Variants in UGT1A4 observed in about 807,000 individuals in gnomAD.
The protein encoded by UGT1A4 is UDP glucuronosyltransferase family 1 member A4.
UGT1A4 carries 32 observed loss-of-function variants against 41.1 expected under a neutral mutation model. The ratio of observed to expected loss-of-function variants is 0.78; its 90% CI spans 0.59 to 1.05. The LOEUF (loss-of-function observed/expected upper bound fraction) is 1.05. Among genes scored for constraint, UGT1A4 ranks in the 50% least tolerant of loss-of-function variants. The pLI is 0.00. For synonymous variants in UGT1A4, 283 were observed against 265.1 expected, an observed-to-expected ratio of 1.07 and a Z score of -0.66; for missense variants, 748 against 677.4, an observed-to-expected ratio of 1.10 and a Z score of -1.16.
intron 1 of UGT1A4, chr2:233,743,777 T>C (rs1692497212): frequency 7.3e-7 from 1 of 1,367,292 alleles, no homozygotes; most frequent in Admixed American, 1.9e-5. Flanking sequence ...GGCCACCTGC[T>C]TGAATCTCCT....
chr2:233,738,082 A>G (rs1218405907), intron 1 of UGT1A4, among the ~76,000 whole-genome samples: 11 of 152,110 alleles, frequency 7.2e-5, no homozygotes, highest in African/African-American at 2.4e-4. Flanking sequence ...TCCTAATCTC[A>G]TCATAGTGAG....
In UGT1A4 at chr2:233,718,817, T is replaced by C; in HGVS notation, c.-4T>C. ...ACAGTCAGCTGTCGGTGGCTTCTGCTGAGATGGCCAGAGGACTCCAGGTTC... is the reference window on the plus strand; with the variant it reads ...ACAGTCAGCTGTCGGTGGCTTCTGCCGAGATGGCCAGAGGACTCCAGGTTC... On this transcript the variant is annotated 5_prime_UTR_variant, in exon 1 of 5. Coordinates refer to ENST00000373409, the MANE Select transcript of UGT1A4 (RefSeq NM_007120.3). The C allele has an allele frequency of 6.2e-7, 1 of 1,613,436 alleles. No homozygotes were observed. Among genetic ancestry groups the C allele is most frequent in the African/African-American group, 1.3e-5 (1 of 75,036 alleles).
intron 1 of UGT1A4, among the ~76,000 whole-genome samples, chr2:233,725,323 G>A (rs1370271039): frequency 1.0e-5 from 1 of 97,652 alleles, no homozygotes; most frequent in East Asian, 3.5e-4. Flanking sequence ...GAGGCGCCTG[G>A]TCAACAATCT....
chr2:233,746,804 G>A (rs960699713), intron 1 of UGT1A4, among the ~76,000 whole-genome samples: 7 of 151,820 alleles, frequency 4.6e-5, no homozygotes, highest in African/African-American at 1.7e-4. Flanking sequence ...GAGCGTGAAT[G>A]TGGATTGCCT....
chr2:233,755,027 C>A (rs759197919), intron 1 of UGT1A4: 14 of 1,309,218 alleles, frequency 1.1e-5, no homozygotes, highest in Non-Finnish European at 1.4e-5. Flanking sequence ...CCTTGAAGGG[C>A]CTGCCGCCTG....
intron 1 of UGT1A4, chr2:233,747,106 CATG>C: frequency 1.5e-6 from 2 of 1,377,620 alleles, no homozygotes; most frequent in Non-Finnish European, 2.0e-6. Context: ...CTTCCAATTA[CATG>C]ATGATTTGCT....
intron 1 of UGT1A4, among the ~76,000 whole-genome samples, chr2:233,727,780 G>A (rs1337158830): frequency 6.6e-6 from 1 of 152,168 alleles, no homozygotes. Flanking sequence ...CCCAGTAGAC[G>A]CTTCCATTCA....
At chr2:233,771,437 T>G (rs981684428) in intron 4 of UGT1A4, 1 of 152,226 alleles carries the variant, frequency 6.6e-6, no homozygotes, top group African/African-American at 2.4e-5. Context: ...CATTTTGCAC[T>G]AAGTGGCTGC....
intron 1 of UGT1A4, among the ~76,000 whole-genome samples, chr2:233,749,644 T>C (rs1173811229): frequency 2.6e-5 from 4 of 151,860 alleles, no homozygotes; most frequent in Non-Finnish European, 5.9e-5. Flanking sequence ...CCAAATCTCA[T>C]CTTGAATTGT....
chr2:233,771,841 C>T (rs1700397789), intron 4 of UGT1A4, among the ~76,000 whole-genome samples: 1 of 147,174 alleles, frequency 6.8e-6, no homozygotes, highest in South Asian at 2.4e-4. Flanking sequence ...CCTTCTCTTC[C>T]TTCTTTTTCA....
At chr2:233,768,582 CTTTT>C (rs139595073) in intron 4 of UGT1A4, 143 bp downstream of exon 4, 9,680 of 1,016,394 alleles carry the variant, frequency 9.5e-3, no homozygotes, top group East Asian at 0.022. Flanking sequence ...TTTATTTCTT[CTTTT>C]TTTTTTTTTT....
At chr2:233,770,376 A>T (rs1000336049) in intron 4 of UGT1A4, 3 of 152,228 alleles carry the variant, frequency 2.0e-5, no homozygotes, top group African/African-American at 4.8e-5. Flanking sequence ...AGTTCTGGCC[A>T]GGTACGGTGG....
rs1409384005 is a variant in UGT1A4 at position 233,735,868 on chromosome 2, C to T, written c.867+16181C>T. ...TCTCTTCTGTCTTGTAGGGTTTCTG[C>T]AGAGAGATCTGCTGTTAGTCTGATG... On this transcript the variant is annotated intron_variant, in intron 1 of 4. Transcript: ENST00000373409. Among the ~76,000 whole-genome samples, 5 of 152,262 alleles carry T rather than the reference C, an allele frequency of 3.3e-5. No homozygotes were observed. The East Asian group carries it at 7.7e-4, about 23-fold the overall frequency.
At position 233,743,680 on chromosome 2, in the gene UGT1A4, G is replaced by C. The variant is rs555741522; in HGVS notation, c.868-23354G>C. 7 of 1,367,102 alleles carry C rather than the reference G, an allele frequency of 5.1e-6. No homozygotes were observed. The South Asian group carries it at 6.8e-5, about 13-fold the overall frequency. 84.7% of individuals were successfully genotyped at this position (1,367,102 alleles called of 1,614,324 possible). On this transcript the variant is annotated intron_variant, in intron 1 of 4. Coordinates refer to ENST00000373409, the MANE Select transcript of UGT1A4 (RefSeq NM_007120.3). The stretch of plus-strand genomic sequence containing the variant: ...CGAAGGGGTCCTCGAAGGGCCTGCC[G>C]CCTGTGCAGCCGCCCTCCGCCCCCG...
At chr2:233,760,305 G>A (rs745957787) in intron 1 of UGT1A4, 6 of 1,613,702 alleles carry the variant, frequency 3.7e-6, no homozygotes, top group Non-Finnish European at 5.1e-6. Flanking sequence ...TGGAGTCCCA[G>A]GGCGGACGCC....
chr2:233,746,072 G>A (rs1693292846), intron 1 of UGT1A4, among the ~76,000 whole-genome samples: 2 of 151,808 alleles, frequency 1.3e-5, no homozygotes, highest in Admixed American at 6.6e-5. Flanking sequence ...AAAGAGAAGA[G>A]GAGTCACTTC....
At chr2:233,770,346 C>T (rs1357381259) in intron 4 of UGT1A4, 2 of 152,134 alleles carry the variant, frequency 1.3e-5, no homozygotes, top group African/African-American at 4.8e-5. Flanking sequence ...TGCTCAATTA[C>T]TATTGAATGA....
At chr2:233,745,011 G>A (rs1692986382) in intron 1 of UGT1A4, among the ~76,000 whole-genome samples, 1 of 151,810 alleles carries the variant, frequency 6.6e-6, no homozygotes, top group South Asian at 2.1e-4. Flanking sequence ...CCTAATAAAT[G>A]TAAATGCTAT....
intron 1 of UGT1A4, among the ~76,000 whole-genome samples, chr2:233,738,306 T>C (rs181527860): frequency 9.5e-4 from 144 of 152,344 alleles, no homozygotes; most frequent in Non-Finnish European, 1.5e-3. Context: ...TATGTCTTTA[T>C]AGCAGTGTGT....
Sources: allele counts gnomAD v4.1 joint callset (sites outside exome capture counted in the v4.1 genomes callset), GRCh38; gene constraint gnomAD v4.1.1; transcripts MANE v1.5; gene names NCBI Gene and HGNC (gene_info 2026-07-23, HGNC 2026-07-21).